Variants in CORO1C observed in about 807,000 individuals in gnomAD.
CORO1C encodes coronin 1C.
A neutral mutation model predicts 51.2 loss-of-function variants in CORO1C; 14 were observed. That is an observed-to-expected ratio of 0.27 (90% CI 0.18 to 0.43). The LOEUF is 0.43. Ranked by LOEUF, CORO1C falls within the 20% of genes least tolerant of loss-of-function variation. The pLI, the probability that CORO1C is intolerant of heterozygous loss-of-function variation, is 1.00. For missense variants in CORO1C, 417 were observed against 607.8 expected, an observed-to-expected ratio of 0.69 and a Z score of 3.30; for synonymous variants, 181 against 210.5, an observed-to-expected ratio of 0.86 and a Z score of 1.21.
At chr12:108,691,738 T>C (rs777883416) in intron 2 of CORO1C, among the ~76,000 whole-genome samples, 46 of 152,142 alleles carry the variant, frequency 3.0e-4, no homozygotes, top group Non-Finnish European at 6.3e-4. Flanking sequence ...CAGAGCCCTG[T>C]CAGGCCTGCG....
At chr12:108,697,571 A>G (rs1425668584) in intron 2 of CORO1C, among the ~76,000 whole-genome samples, 1 of 152,250 alleles carries the variant, frequency 6.6e-6, no homozygotes, top group Non-Finnish European at 1.5e-5. Context: ...AGTTGCCAAG[A>G]CACTAAAGTT....
At chr12:108,652,808 A>G (rs2032738575) in intron 7 of CORO1C, among the ~76,000 whole-genome samples, 1 of 57,422 alleles carries the variant, frequency 1.7e-5, no homozygotes, top group African/African-American at 7.5e-5. Context: ...GCAATTATTG[A>G]TTTAAGTATT....
chr12:108,714,618 CG>C (rs2136880165), intron 1 of CORO1C, among the ~76,000 whole-genome samples: 1 of 151,124 alleles, frequency 6.6e-6, no homozygotes, highest in East Asian at 2.0e-4. Flanking sequence ...AAAAATTAGC[CG>C]GGCATGATGG....
intron 3 of CORO1C, among the ~76,000 whole-genome samples, chr12:108,675,027 A>G (rs12424752): frequency 6.6e-6 from 1 of 152,176 alleles, no homozygotes; most frequent in Admixed American, 6.5e-5. Context: ...TGAGAGGCCA[A>G]GTCAATCAGT....
At position 108,657,603 on chromosome 12, in the gene CORO1C, T is replaced by TG. The variant is rs576421343; in HGVS notation, c.631-181dup. 6.3e-3 allele frequency among the ~76,000 whole-genome samples: 953 copies of TG among 152,344 alleles called. 5 individuals carry two copies. Among genetic ancestry groups the TG allele is most frequent in the Non-Finnish European group, 9.8e-3 (664 of 68,028 alleles). On this transcript the variant is annotated intron_variant, in intron 5 of 10. Transcript: ENST00000261401. ...GGAAACAAAGAGATACTATGTGATC[T>TG]GGTCAAGGTCCCTCTGTGAGGCTGC...
intron 2 of CORO1C, among the ~76,000 whole-genome samples, chr12:108,689,481 C>G (rs1468797176): frequency 6.6e-6 from 1 of 152,192 alleles, no homozygotes; most frequent in Non-Finnish European, 1.5e-5. Context: ...TAAACCCACA[C>G]CTTCCTAGGG....
intron 3 of CORO1C, among the ~76,000 whole-genome samples, chr12:108,662,656 C>T (rs899681043): frequency 1.2e-4 from 19 of 152,072 alleles, no homozygotes; most frequent in African/African-American, 4.6e-4. Context: ...GATTGAAACA[C>T]TCAAGAAAAG....
chr12:108,648,010 C>T (rs1299656920), intron 10 of CORO1C, among the ~76,000 whole-genome samples: 1 of 152,106 alleles, frequency 6.6e-6, no homozygotes, highest in African/African-American at 2.4e-5. Context: ...TCTCTCTTAC[C>T]CAGGACCTGC....
At chr12:108,702,741 C>T (rs1254236649) in intron 1 of CORO1C, 3 of 1,452,584 alleles carry the variant, frequency 2.1e-6, no homozygotes, top group Non-Finnish European at 2.7e-6. Flanking sequence ...CCTCATGGCC[C>T]TGAGCCCACT....
intron 3 of CORO1C, among the ~76,000 whole-genome samples, chr12:108,663,061 C>A (rs1050941344): frequency 6.6e-6 from 1 of 152,188 alleles, no homozygotes; most frequent in Non-Finnish European, 1.5e-5. Context: ...CGAAAAAGCA[C>A]ATGAAAAGAT....
At chr12:108,713,168 G>A (rs2136878606) in intron 1 of CORO1C, among the ~76,000 whole-genome samples, 1 of 152,252 alleles carries the variant, frequency 6.6e-6, no homozygotes, top group South Asian at 2.1e-4. Flanking sequence ...TTGCTATAAA[G>A]CACAGCAAAA....
At chr12:108,711,242 C>T (rs1449783238) in intron 1 of CORO1C, among the ~76,000 whole-genome samples, 1 of 151,836 alleles carries the variant, frequency 6.6e-6, no homozygotes, top group Admixed American at 6.6e-5. Flanking sequence ...TTGTAGTATA[C>T]CCCTGCGGTC....
intron 2 of CORO1C, among the ~76,000 whole-genome samples, chr12:108,690,266 G>A (rs1416745072): frequency 6.6e-6 from 1 of 151,496 alleles, no homozygotes; most frequent in Admixed American, 6.6e-5. Context: ...AAGGGAACCA[G>A]AAATACCATC....
At position 108,702,937 on chromosome 12, in the gene CORO1C, C is replaced by T; in HGVS notation, c.-5-1614G>A. On this transcript the variant is annotated intron_variant, in intron 1 of 10. Coordinates refer to ENST00000261401, the MANE Select transcript of CORO1C (RefSeq NM_014325.4). ...TTGCCAGACTTTCCCAGCTGACTAC[C>T]AGGGCCATACATTTTGAGTCTTTGG... The T allele has an allele frequency of 2.6e-6, 4 of 1,532,900 alleles. No individual in the cohort carries two copies. The South Asian group carries it at 3.6e-5, about 14-fold the overall frequency. The allele number at this position is 1,532,900 out of a possible 1,614,324, so 95.0% of individuals were successfully genotyped here.
chr12:108,653,912 A>G (rs1346279239), intron 7 of CORO1C, among the ~76,000 whole-genome samples: 2 of 152,240 alleles, frequency 1.3e-5, no homozygotes, highest in Non-Finnish European at 2.9e-5. Flanking sequence ...TTTCAGCATT[A>G]GATGTGGCCA....
intron 4 of CORO1C, among the ~76,000 whole-genome samples, chr12:108,660,015 T>C (rs1048962659): frequency 2.8e-4 from 43 of 152,344 alleles, no homozygotes; most frequent in Middle Eastern, 6.8e-3. Context: ...CAGCATGTGT[T>C]GCTCCTAGGA....
intron 1 of CORO1C, among the ~76,000 whole-genome samples, chr12:108,715,228 T>C (rs2035293979): frequency 1.3e-5 from 2 of 152,034 alleles, no homozygotes; most frequent in Admixed American, 1.3e-4. Context: ...AGCGAAACTG[T>C]GTCTCTTAAA....
At chr12:108,709,871 T>C (rs901306001) in intron 1 of CORO1C, among the ~76,000 whole-genome samples, 7 of 152,244 alleles carry the variant, frequency 4.6e-5, no homozygotes, top group Non-Finnish European at 8.8e-5. Flanking sequence ...CAAGTACAAG[T>C]TCTTAAAACT....
At chr12:108,678,216 G>T in intron 3 of CORO1C, 56 bp downstream of exon 3, 3 of 1,547,124 alleles carry the variant, frequency 1.9e-6, no homozygotes, top group Non-Finnish European at 2.6e-6. Context: ...ACATGCTTTT[G>T]AAAGCAGTAG....
Sources: gnomAD v4.1 joint callset for allele counts (sites outside exome capture counted in the v4.1 genomes callset) on GRCh38, gnomAD v4.1.1 for gene constraint, MANE v1.5 for transcripts, NCBI Gene and HGNC (gene_info 2026-07-23, HGNC 2026-07-21) for gene names.